UBE3A: variants seen among roughly 807,000 people sequenced by gnomAD.
UBE3A encodes ubiquitin protein ligase E3A, also known as ubiquitin-protein ligase E3A.
In UBE3A, 6 loss-of-function variants were observed where a neutral mutation model predicts 83.4. The ratio of observed to expected loss-of-function variants is 0.07; its 90% CI spans 0.04 to 0.14. UBE3A has a LOEUF of 0.14. Among genes scored for constraint, UBE3A ranks in the 10% least tolerant of loss-of-function variants. UBE3A has a pLI of 1.00. For missense variants in UBE3A, 456 were observed against 1,036.1 expected, an observed-to-expected ratio of 0.44 and a Z score of 7.69; for synonymous variants, 337 against 355.4, an observed-to-expected ratio of 0.95 and a Z score of 0.58.
At chr15:25,406,953 A>C in intron 3 of UBE3A, 1 of 488,054 alleles carries the variant, frequency 2.0e-6, no homozygotes, top group Non-Finnish European at 2.9e-6. Context: ...AAATTACATA[A>C]CAACTAAAAA....
intron 7 of UBE3A, among the ~76,000 whole-genome samples, chr15:25,358,418 G>A (rs1212591885): frequency 6.6e-6 from 1 of 151,672 alleles, no homozygotes; most frequent in Non-Finnish European, 1.5e-5. Context: ...AAGGAAAATT[G>A]GAATCTTTGG....
At chr15:25,427,602 CAAAAAAAAA>C (rs751567252) in intron 1 of UBE3A, among the ~76,000 whole-genome samples, 3 of 64,180 alleles carry the variant, frequency 4.7e-5, no homozygotes, top group African/African-American at 2.2e-4. Flanking sequence ...CCCATCTCTA[CAAAAAAAAA>C]AAAAAAAAAA....
At position 25,409,139 on chromosome 15, in the gene UBE3A, T is replaced by G; in HGVS notation, c.-32A>C. The G allele has an allele frequency of 6.3e-7, 1 of 1,593,002 alleles. No individual in the cohort carries two copies. Among genetic ancestry groups the G allele is most frequent in the Non-Finnish European group, 8.6e-7 (1 of 1,168,614 alleles). On this transcript the variant is annotated 5_prime_UTR_variant, in exon 3 of 13. Transcript: ENST00000648336. Reference sequence around the variant, plus strand: ...ACATCAGGGTGATCACAGCTTTGAGTCACTGATTAAAAACAGGTTGTCACA... The same window carrying G: ...ACATCAGGGTGATCACAGCTTTGAGGCACTGATTAAAAACAGGTTGTCACA...
chr15:25,385,153 A>T (rs890074478), intron 4 of UBE3A, among the ~76,000 whole-genome samples: 1 of 152,228 alleles, frequency 6.6e-6, no homozygotes, highest in Non-Finnish European at 1.5e-5. Flanking sequence ...CAGTAAATGG[A>T]GTAAAATGGC....
intron 1 of UBE3A, among the ~76,000 whole-genome samples, chr15:25,432,907 T>C (rs1447064988): frequency 1.3e-5 from 2 of 152,226 alleles, no homozygotes; most frequent in African/African-American, 2.4e-5. Context: ...ACGAGATTCC[T>C]GTTCAGATTT....
In UBE3A at chr15:25,356,064, C is replaced by A; in HGVS notation, c.1960-8G>T. The A allele has an allele frequency of 6.2e-7, 1 of 1,613,506 alleles. No individual in the cohort carries two copies. The highest frequency in any genetic ancestry group is 8.5e-7 in the Non-Finnish European group (1 of 1,179,710). ...TAAACTCTGATATAGAACCTAGCAA[C>A]CAGAAATGGTAAATTGAGGCCACCA... On this transcript the variant is annotated splice_region_variant and splice_polypyrimidine_tract_variant and intron_variant, in intron 8 of 12. Transcript: ENST00000648336.
intron 1 of UBE3A, among the ~76,000 whole-genome samples, chr15:25,416,283 ACTATGGCATATTCTTAAAATGGAAT>A (rs752796106): frequency 2.1e-4 from 32 of 152,206 alleles, no homozygotes; most frequent in Non-Finnish European, 4.1e-4. Flanking sequence ...AGCAGATTAA[ACTATGGCATATTCTTAAAATGGAAT>A]ATCACTTCCA....
chr15:25,368,968 G>A (rs1483172814), intron 6 of UBE3A, among the ~76,000 whole-genome samples: 1 of 152,062 alleles, frequency 6.6e-6, no homozygotes, highest in East Asian at 1.9e-4. Context: ...AGCTTTTGAT[G>A]AAGACAGCTG....
At chr15:25,366,743 T>C (rs1566937977) in intron 6 of UBE3A, among the ~76,000 whole-genome samples, 1 of 151,846 alleles carries the variant, frequency 6.6e-6, no homozygotes, top group South Asian at 2.1e-4. Context: ...GCCTTTCTCT[T>C]TCTCTCTATA....
At chr15:25,424,593 A>G (rs1334200981) in intron 1 of UBE3A, among the ~76,000 whole-genome samples, 1 of 152,228 alleles carries the variant, frequency 6.6e-6, no homozygotes, top group Non-Finnish European at 1.5e-5. Context: ...GTAGGTGTTC[A>G]AGAAATGTTT....
intron 1 of UBE3A, among the ~76,000 whole-genome samples, chr15:25,424,672 A>G (rs574242113): frequency 9.8e-4 from 149 of 151,890 alleles, no homozygotes; most frequent in Non-Finnish European, 1.5e-3. Context: ...AGTTAAGAGG[A>G]AAAAAAAATT....
At chr15:25,342,091 G>C (rs2074940461) in intron 11 of UBE3A, among the ~76,000 whole-genome samples, 1 of 152,106 alleles carries the variant, frequency 6.6e-6, no homozygotes, top group African/African-American at 2.4e-5. Context: ...ACTTGCAGGA[G>C]CATCTCTCAG....
At chr15:25,363,273 T>C (rs1252862923) in intron 6 of UBE3A, among the ~76,000 whole-genome samples, 1 of 152,204 alleles carries the variant, frequency 6.6e-6, no homozygotes, top group Admixed American at 6.5e-5. Context: ...AATAATATAG[T>C]AATAAATTAA....
intron 1 of UBE3A, among the ~76,000 whole-genome samples, chr15:25,422,182 G>A (rs1156746538): frequency 6.6e-6 from 1 of 152,108 alleles, no homozygotes; most frequent in African/African-American, 2.4e-5. Flanking sequence ...ACCAGGCATG[G>A]AAGAGTACAT....
chr15:25,408,745 G>C (rs564115002), intron 3 of UBE3A: 2 of 1,375,814 alleles, frequency 1.5e-6, no homozygotes, highest in Admixed American at 4.4e-5. Flanking sequence ...GAAATGTTTA[G>C]TTAAAACGTT....
chr15:25,408,613 G>A (rs2089261685), intron 3 of UBE3A: 1 of 1,613,810 alleles, frequency 6.2e-7, no homozygotes, highest in East Asian at 2.2e-5. Context: ...TTCAAATGGT[G>A]GCTCACTTCC....
At chr15:25,386,621 A>G (rs941727393) in intron 4 of UBE3A, among the ~76,000 whole-genome samples, 2 of 152,166 alleles carry the variant, frequency 1.3e-5, no homozygotes, top group Admixed American at 1.3e-4. Context: ...TGAGCTTGAA[A>G]ATATGCCAAA....
intron 6 of UBE3A, among the ~76,000 whole-genome samples, chr15:25,368,921 TAC>T (rs1362441984): frequency 6.6e-6 from 1 of 152,132 alleles, no homozygotes; most frequent in Non-Finnish European, 1.5e-5. Flanking sequence ...GAATGATTCT[TAC>T]AGTGTAATTT....
intron 1 of UBE3A, chr15:25,415,946 T>G (rs1251554323): frequency 1.3e-5 from 2 of 150,694 alleles, no homozygotes; most frequent in African/African-American, 4.9e-5. Context: ...TCTTCCCAAA[T>G]TAACACAAAT....
Sources: gnomAD v4.1 joint callset for allele counts (sites outside exome capture counted in the v4.1 genomes callset) on GRCh38, gnomAD v4.1.1 for gene constraint, MANE v1.5 for transcripts, NCBI Gene and HGNC (gene_info 2026-07-23, HGNC 2026-07-21) for gene names.